Variants in CWF19L2 observed in about 807,000 individuals in gnomAD.
CWF19L2 encodes the protein CWF19 like cell cycle control factor 2.
A neutral mutation model predicts 111.7 loss-of-function variants in CWF19L2; 98 were observed. The ratio of observed to expected loss-of-function variants is 0.88; its 90% CI spans 0.75 to 1.04. The LOEUF (loss-of-function observed/expected upper bound fraction) is 1.04. CWF19L2 is among the 50% of genes least tolerant of loss of function. The probability of loss-of-function intolerance (pLI) is 0.00; values close to 1 mark genes in which losing one functional copy is unlikely to be tolerated. For synonymous variants in CWF19L2, 351 were observed against 342.9 expected (o/e 1.02, Z -0.26); for missense variants, 1,101 against 1,051.4 (o/e 1.05, Z -0.65).
At chr11:107,388,743 C>T (rs769530946) in intron 12 of CWF19L2, among the ~76,000 whole-genome samples, 12 of 152,070 alleles carry the variant, frequency 7.9e-5, no homozygotes, top group Non-Finnish European at 1.5e-4. Flanking sequence ...TAAACTTGAA[C>T]GGTTTATAAG....
chr11:107,357,639 T>C (rs76473959), intron 12 of CWF19L2, among the ~76,000 whole-genome samples: 2,604 of 152,306 alleles, frequency 0.017, 54 homozygotes, highest in African/African-American at 0.058. Flanking sequence ...TTCTTCAATA[T>C]AACTGAAATA....
In CWF19L2 at chr11:107,334,901, A is replaced by G; in HGVS notation, c.2419T>C (p.Ser807Pro). 1 of 1,601,874 alleles carries G rather than the reference A, an allele frequency of 6.2e-7. No individual in the cohort carries two copies. ...CTTACAGACTTTCTGATATCTTTTG[A>G]AGAGAGATCTATCAACTTCTTGTTC... ...SMNKKLIDLS[S>P]KDIRKSVPRG... The change falls in exon 16 of 18, where the codon TCA becomes CCA. Residue 807 changes from serine to proline, a missense_variant. Transcript: ENST00000282251.
intron 14 of CWF19L2, among the ~76,000 whole-genome samples, chr11:107,343,058 C>T (rs1860028278): frequency 1.3e-5 from 2 of 152,138 alleles, no homozygotes; most frequent in South Asian, 4.1e-4. Flanking sequence ...ATCTCCAGAA[C>T]CATAAGAAAA....
At position 107,365,229 on chromosome 11, in the gene CWF19L2, G is replaced by A. The variant is rs530434771; in HGVS notation, c.1873-11493C>T. On this transcript the variant is annotated intron_variant, in intron 12 of 17. Transcript: ENST00000282251. ...TCCAGGACCAGATGGATTCACAGCCGAATTCTATCAGAGGTACAAGGAGGA... is the reference window on the plus strand; with the variant it reads ...TCCAGGACCAGATGGATTCACAGCCAAATTCTATCAGAGGTACAAGGAGGA... Among the ~76,000 whole-genome samples, 637 of 148,176 alleles carry A rather than the reference G, an allele frequency of 4.3e-3. 17 individuals carry two copies. Among genetic ancestry groups the A allele is most frequent in the African/African-American group, 6.2e-3 (240 of 38,992 alleles).
At chr11:107,355,975 C>A (rs1175057395) in intron 12 of CWF19L2, among the ~76,000 whole-genome samples, 1 of 152,196 alleles carries the variant, frequency 6.6e-6, no homozygotes, top group African/African-American at 2.4e-5. Flanking sequence ...AGATGACATT[C>A]TGGGTCATAG....
chr11:107,456,634 C>A (rs1410892996), intron 1 of CWF19L2, among the ~76,000 whole-genome samples: 1 of 151,372 alleles, frequency 6.6e-6, no homozygotes, highest in African/African-American at 2.4e-5. Flanking sequence ...ACTGCTGAAG[C>A]AACAAGAACT....
intron 10 of CWF19L2, among the ~76,000 whole-genome samples, chr11:107,399,076 T>A (rs1353106302): frequency 6.6e-6 from 1 of 152,076 alleles, no homozygotes; most frequent in Non-Finnish European, 1.5e-5. Flanking sequence ...TTGAAACAAA[T>A]CTTTTACACC....
intron 14 of CWF19L2, among the ~76,000 whole-genome samples, chr11:107,342,871 G>A (rs1380904450): frequency 6.6e-6 from 1 of 152,134 alleles, no homozygotes; most frequent in African/African-American, 2.4e-5. Flanking sequence ...TGAAGAAGAG[G>A]AGAAGGCAAT....
At chr11:107,434,786 G>C (rs899001701) in intron 6 of CWF19L2, among the ~76,000 whole-genome samples, 1 of 151,886 alleles carries the variant, frequency 6.6e-6, no homozygotes, top group Non-Finnish European at 1.5e-5. Flanking sequence ...TCTGGTGCTA[G>C]AAAACAGAAT....
chr11:107,380,657 A>G (rs1308077820), intron 12 of CWF19L2, among the ~76,000 whole-genome samples: 1 of 152,232 alleles, frequency 6.6e-6, no homozygotes, highest in East Asian at 1.9e-4. Context: ...TGTGGGAAAT[A>G]GTTTGGTGGT....
Position 107,457,756 on chromosome 11 carries a change from G to C in CWF19L2, c.61C>G (p.Arg21Gly), listed in dbSNP as rs370046573. The change falls in exon 1 of 18, where the codon CGG becomes GGG. Residue 21 changes from arginine (R) to glycine (G), a missense_variant. Coordinates refer to ENST00000282251, the MANE Select transcript of CWF19L2 (RefSeq NM_152434.3). ...RFESAKSIEE[R>G]KEQTRNARAE... ...CTGGCATTCCGGGTCTGTTCTTTCC[G>C]CTCTTCGATACTCTTCGCACTTTCA... The C allele has an allele frequency of 3.2e-6, 5 of 1,551,546 alleles. No individual in the cohort carries two copies. Among genetic ancestry groups the C allele is most frequent in the Non-Finnish European group, 4.4e-6 (5 of 1,146,976 alleles).
At chr11:107,436,164 A>C (rs1198681069) in intron 6 of CWF19L2, among the ~76,000 whole-genome samples, 3 of 91,632 alleles carry the variant, frequency 3.3e-5, no homozygotes, top group East Asian at 2.1e-4. Context: ...CCCCCGACCC[A>C]AAAAAAAAAA....
intron 12 of CWF19L2, among the ~76,000 whole-genome samples, chr11:107,354,352 G>T (rs1354701010): frequency 6.6e-6 from 1 of 152,068 alleles, no homozygotes; most frequent in African/African-American, 2.4e-5. Flanking sequence ...CAGTCAAAAT[G>T]ACCATGGTAA....
rs565267928 is a variant in CWF19L2, at chr11:107,405,356, T to C, written c.1617+10853A>G. ...TGCCAATCTTGGTTCTATACTATTA[T>C]TTAGCTAATAAAACTAATTCAAAAT... On this transcript the variant is annotated intron_variant, in intron 10 of 17. Coordinates refer to ENST00000282251, the MANE Select transcript of CWF19L2 (RefSeq NM_152434.3). Among the ~76,000 whole-genome samples the C allele has an allele frequency of 2.0e-5, 3 of 152,304 alleles. No homozygotes were observed. The South Asian group carries it at 6.2e-4, about 32-fold the overall frequency.
chr11:107,402,873 G>GTGTGTATATATATATATATATATATATA (rs1247886311), intron 10 of CWF19L2, among the ~76,000 whole-genome samples: 33 of 94,370 alleles, frequency 3.5e-4, no homozygotes, highest in African/African-American at 1.2e-3. Context: ...ACTGTGGTGT[G>GTGTGTATATATATATATATATATATATA]TATATATATA....
At chr11:107,376,068 A>G (rs1860594761) in intron 12 of CWF19L2, among the ~76,000 whole-genome samples, 1 of 125,482 alleles carries the variant, frequency 8.0e-6, no homozygotes, top group African/African-American at 3.4e-5. Flanking sequence ...AACCAGGAAG[A>G]AGTTGAATCT....
At chr11:107,336,180 T>TC (rs1859920806) in intron 15 of CWF19L2, among the ~76,000 whole-genome samples, 2 of 151,998 alleles carry the variant, frequency 1.3e-5, no homozygotes, top group South Asian at 4.2e-4. Flanking sequence ...AAGATCAGGC[T>TC]CTGTCACCCA....
intron 10 of CWF19L2, among the ~76,000 whole-genome samples, chr11:107,413,429 A>G (rs1292673176): frequency 6.6e-6 from 1 of 152,236 alleles, no homozygotes; most frequent in Non-Finnish European, 1.5e-5. Flanking sequence ...GTAAATGTGA[A>G]AGAGACACTG....
chr11:107,383,908 C>A (rs1860728832), intron 12 of CWF19L2, among the ~76,000 whole-genome samples: 1 of 152,126 alleles, frequency 6.6e-6, no homozygotes. Flanking sequence ...GTGTTACTTC[C>A]AAAAGACTTT....
Sources: gnomAD v4.1 joint callset for allele counts (sites outside exome capture counted in the v4.1 genomes callset) on GRCh38, gnomAD v4.1.1 for gene constraint, MANE v1.5 for transcripts, NCBI Gene and HGNC (gene_info 2026-07-23, HGNC 2026-07-21) for gene names.